VWA8: variants seen among roughly 807,000 people sequenced by gnomAD.
VWA8 encodes the protein von Willebrand factor A domain containing 8, also known as von Willebrand factor A domain-containing protein 8.
Under a neutral mutation model 241.5 loss-of-function variants are expected in VWA8, and 221 were observed. The observed-to-expected ratio is 0.91, with a 90% confidence interval of 0.82 to 1.02. VWA8 has a LOEUF of 1.02. VWA8 is among the 50% of genes least tolerant of loss of function. The probability of loss-of-function intolerance (pLI) is 0.00; values close to 1 mark genes in which losing one functional copy is unlikely to be tolerated. For synonymous variants in VWA8, 852 were observed against 827.1 expected, an observed-to-expected ratio of 1.03 and a Z score of -0.52; for missense variants, 2,322 against 2,328.7, an observed-to-expected ratio of 1.00 and a Z score of 0.06.
intron 12 of VWA8, among the ~76,000 whole-genome samples, chr13:41,853,842 A>G (rs1295364595): frequency 1.3e-5 from 2 of 152,026 alleles, no homozygotes; most frequent in Admixed American, 1.3e-4. Context: ...TTTCTATTCT[A>G]TTTCATTTTT....
Position 41,575,739 on chromosome 13 carries a change from C to T in VWA8, c.5370+1G>A. On this transcript the variant is annotated splice_donor_variant, in intron 43 of 44. Coordinates refer to ENST00000379310, the MANE Select transcript of VWA8 (RefSeq NM_015058.2). LOFTEE classifies it high-confidence loss of function. ...ATACAGAGGTAATAAAATATATTTACCTTCAGAATTTCTAGTCTTTGCTTA... is the reference window on the plus strand; with the variant it reads ...ATACAGAGGTAATAAAATATATTTATCTTCAGAATTTCTAGTCTTTGCTTA... 6.2e-7 allele frequency: 1 copy of T among 1,606,726 alleles called. No homozygotes were observed. Among genetic ancestry groups the T allele is most frequent in the Non-Finnish European group, 8.5e-7 (1 of 1,174,766 alleles).
intron 2 of VWA8, among the ~76,000 whole-genome samples, chr13:41,947,424 A>T (rs1233749497): frequency 1.3e-5 from 2 of 152,222 alleles, no homozygotes; most frequent in Non-Finnish European, 2.9e-5. Flanking sequence ...AACTCATTTA[A>T]AGAATTTTGA....
rs185357338 is a variant in VWA8 at position 41,681,285 on chromosome 13, C to T, written c.4327+3762G>A. On this transcript the variant is annotated intron_variant, in intron 35 of 44. Coordinates refer to ENST00000379310, the MANE Select transcript of VWA8 (RefSeq NM_015058.2). ...CCTTGTTATATTCAGAGTTGAGCCCCATCTCTTTCCCTTACTACAAAACTT... is the reference window on the plus strand; with the variant it reads ...CCTTGTTATATTCAGAGTTGAGCCCTATCTCTTTCCCTTACTACAAAACTT... Among the ~76,000 whole-genome samples, 139 of 152,206 alleles carry T rather than the reference C, an allele frequency of 9.1e-4. 1 individual carries two copies. The South Asian group carries it at 0.015, about 16-fold the overall frequency.
At chr13:41,741,171 T>A (rs902876367) in intron 21 of VWA8, among the ~76,000 whole-genome samples, 8 of 152,218 alleles carry the variant, frequency 5.3e-5, no homozygotes, top group African/African-American at 9.6e-5. Flanking sequence ...ACATGAAGAC[T>A]GGCCTTTTTA....
intron 42 of VWA8, among the ~76,000 whole-genome samples, chr13:41,578,745 G>A (rs2044365326): frequency 6.6e-6 from 1 of 152,052 alleles, no homozygotes; most frequent in South Asian, 2.1e-4. Flanking sequence ...TTTTTTCTGA[G>A]CTCAAAATTT....
chr13:41,910,062 G>T (rs1480805551), intron 3 of VWA8, among the ~76,000 whole-genome samples: 3 of 152,112 alleles, frequency 2.0e-5, no homozygotes, highest in Admixed American at 2.0e-4. Flanking sequence ...ACAGCCTATG[G>T]TTGCCTCAGC....
At chr13:41,718,855 T>C (rs1275207012) in intron 26 of VWA8, among the ~76,000 whole-genome samples, 2 of 151,820 alleles carry the variant, frequency 1.3e-5, no homozygotes, top group Non-Finnish European at 2.9e-5. Flanking sequence ...GTGATTATTA[T>C]CCCCTATGAA....
At chr13:41,739,827 GTT>G (rs779464048) in intron 21 of VWA8, among the ~76,000 whole-genome samples, 2 of 88,988 alleles carry the variant, frequency 2.2e-5, no homozygotes, top group African/African-American at 3.4e-5. Context: ...TTGTTTTTTT[GTT>G]TTTTTTTTTG....
chr13:41,622,027 A>T (rs955025345), intron 37 of VWA8, among the ~76,000 whole-genome samples: 1 of 152,202 alleles, frequency 6.6e-6, no homozygotes, highest in Non-Finnish European at 1.5e-5. Context: ...TGTTCCAGGG[A>T]CAATTCCAGG....
At chr13:41,809,857 T>G (rs1870386905) in intron 17 of VWA8, among the ~76,000 whole-genome samples, 1 of 152,122 alleles carries the variant, frequency 6.6e-6, no homozygotes, top group Non-Finnish European at 1.5e-5. Flanking sequence ...ATCATCCATC[T>G]GACAAGGGAT....
chr13:41,691,759 A>G, intron 31 of VWA8, 115 bp downstream of exon 31: 3 of 866,732 alleles, frequency 3.5e-6, no homozygotes, highest in Non-Finnish European at 5.4e-6. Context: ...ACTTTATATT[A>G]AAACATTCAT....
chr13:41,949,899 A>G (rs927681817), intron 2 of VWA8, 37 bp downstream of exon 2: 18 of 1,270,684 alleles, frequency 1.4e-5, no homozygotes, highest in East Asian at 2.6e-5. Context: ...TGAAAAGTTA[A>G]AAGTTATTCA....
chr13:41,719,605 C>T lies in VWA8; in HGVS notation c.3102G>A (p.Val1034=), dbSNP rs918862969. Residue 1034 remains valine, a synonymous_variant, in exon 26 of 45, where the codon GTG becomes GTA. Coordinates refer to ENST00000379310, the MANE Select transcript of VWA8 (RefSeq NM_015058.2). ...ATTTGCCTTACTCCTTTGCCAGCTG[C>T]ACACTGGTAGGCTTTGCTCCGATAG... ...GIPIGAKPTS[V]QLAKELTLPE... The T allele has an allele frequency of 5.0e-6, 8 of 1,612,972 alleles. No homozygotes were observed. The highest frequency in any genetic ancestry group is 6.8e-6 in the Non-Finnish European group (8 of 1,179,254).
intron 26 of VWA8, among the ~76,000 whole-genome samples, chr13:41,718,271 T>A (rs904249237): frequency 6.6e-6 from 1 of 151,902 alleles, no homozygotes; most frequent in Non-Finnish European, 1.5e-5. Flanking sequence ...GTAAATAACT[T>A]AAGTTTGCAT....
intron 29 of VWA8, among the ~76,000 whole-genome samples, chr13:41,693,322 G>A (rs148546202): frequency 7.9e-5 from 12 of 151,804 alleles, no homozygotes; most frequent in Non-Finnish European, 1.8e-4. Flanking sequence ...CTAGTTATAA[G>A]GAAATTACAA....
chr13:41,726,268 T>A (rs935915810), intron 24 of VWA8, among the ~76,000 whole-genome samples: 4 of 152,224 alleles, frequency 2.6e-5, no homozygotes, highest in Admixed American at 6.5e-5. Flanking sequence ...CTTTCTACTA[T>A]AAACAATGCT....
chr13:41,627,019 A>C (rs1236458052), intron 37 of VWA8, among the ~76,000 whole-genome samples: 1 of 152,218 alleles, frequency 6.6e-6, no homozygotes, highest in Non-Finnish European at 1.5e-5. Context: ...CAAACTATGC[A>C]TCCAACAAAG....
intron 42 of VWA8, 121 bp from the exon 43 acceptor site, chr13:41,575,959 G>T: frequency 1.6e-6 from 1 of 628,184 alleles, no homozygotes; most frequent in Non-Finnish European, 2.8e-6. Flanking sequence ...TGGCCATAAA[G>T]AAATGCAGTG....
chr13:41,569,965 C>CTA (rs200975577), intron 44 of VWA8, among the ~76,000 whole-genome samples: 40 of 151,628 alleles, frequency 2.6e-4, no homozygotes, highest in East Asian at 5.8e-4. Context: ...GTGAGTGTGT[C>CTA]TATATATATA....
Sources: allele counts gnomAD v4.1 joint callset (sites outside exome capture counted in the v4.1 genomes callset), GRCh38; gene constraint gnomAD v4.1.1; transcripts MANE v1.5; gene names NCBI Gene and HGNC (gene_info 2026-07-23, HGNC 2026-07-21).